TIGD4: variants seen among roughly 807,000 people sequenced by gnomAD.
The protein encoded by TIGD4 is tigger transposable element derived 4.
Under a neutral mutation model 24.9 loss-of-function variants are expected in TIGD4, and 20 were observed. The observed-to-expected ratio is 0.80, with a 90% CI of 0.56 to 1.17. The LOEUF (loss-of-function observed/expected upper bound fraction) is 1.17, where lower values mean the gene tolerates loss of function less well. TIGD4 is among the 50% of genes most tolerant of loss of function. TIGD4 has a pLI of 0.00. For missense variants in TIGD4, 566 were observed against 591.0 expected (o/e 0.96, Z 0.44); for synonymous variants, 193 against 211.0 (o/e 0.91, Z 0.74).
chr4:152,775,086 T>G (rs1225981850), intron 1 of TIGD4, among the ~76,000 whole-genome samples: 1 of 152,124 alleles, frequency 6.6e-6, no homozygotes, highest in African/African-American at 2.4e-5. Context: ...TGGCTAATTT[T>G]TTGTATTTTT....
At chr4:152,778,904 C>A (rs1230553007) in intron 1 of TIGD4, among the ~76,000 whole-genome samples, 2 of 152,136 alleles carry the variant, frequency 1.3e-5, no homozygotes, top group Admixed American at 6.5e-5. Flanking sequence ...AGTTACCCTT[C>A]GCATTTCTAC....
chr4:152,775,425 A>T (rs1730244283), intron 1 of TIGD4, among the ~76,000 whole-genome samples: 1 of 152,178 alleles, frequency 6.6e-6, no homozygotes. Context: ...AGAAATCAAG[A>T]TGTTGGTCAG....
At position 152,770,507 on chromosome 4, in the gene TIGD4, T is replaced by C; in HGVS notation, c.498A>G (p.Val166=). The C allele has an allele frequency of 5.0e-6, 8 of 1,611,952 alleles. No homozygotes were observed. The highest frequency in any genetic ancestry group is 5.9e-6 in the Non-Finnish European group (7 of 1,179,192). The part of the protein sequence containing the change: ...VDPSTVWYQN[V]LPYYLNDYHP... ...GATAATCATTTAAATAATAAGGAAGTACATTTTGGTACCAGACAGTCGAAG... is the reference window on the plus strand; with the variant it reads ...GATAATCATTTAAATAATAAGGAAGCACATTTTGGTACCAGACAGTCGAAG... Residue 166 remains valine, a synonymous_variant, in exon 2 of 2, where the codon GTA becomes GTG. Coordinates refer to ENST00000304337, the MANE Select transcript of TIGD4 (RefSeq NM_145720.4).
rs1730359142 is a variant in TIGD4 at position 152,779,716 on chromosome 4, C to A, written c.-773G>T. The A allele has an allele frequency of 6.6e-6, 1 of 152,320 alleles. No homozygotes were observed. Among genetic ancestry groups the A allele is most frequent in the South Asian group, 2.1e-4 (1 of 4,830 alleles). 9.4% of individuals were successfully genotyped at this position (152,320 alleles called of 1,614,324 possible). A position where few individuals can be genotyped will look rare whatever the true frequency, so the allele number is the denominator to read the frequency against. On this transcript the variant is annotated 5_prime_UTR_variant, in exon 1 of 2. Transcript: ENST00000304337. ...CCCTTCCGCAAGCTCCCAGCTCTAG[C>A]CGGTGCCTCTGGCCCCGCGCGCATT...
Position 152,769,832 on chromosome 4 carries a change from A to C in TIGD4, c.1173T>G (p.Asn391Lys), listed in dbSNP as rs1359528477. The C allele has an allele frequency of 6.2e-7, 1 of 1,613,174 alleles. No homozygotes were observed. Reference protein sequence around the residue: ...KSQKGESDITNAEKDTGLDLV... With the variant: ...KSQKGESDITKAEKDTGLDLV... ...AATCCAGACCAGTATCCTTCTCTGC[A>C]TTTGTTATGTCACTTTCTCCCTTTT... Residue 391 changes from asparagine to lysine, a missense_variant, in exon 2 of 2, where the codon AAT (asparagine) becomes AAG (lysine). Coordinates refer to ENST00000304337, the MANE Select transcript of TIGD4 (RefSeq NM_145720.4).
intron 1 of TIGD4, among the ~76,000 whole-genome samples, chr4:152,772,320 G>A (rs895191713): frequency 1.3e-5 from 2 of 151,724 alleles, no homozygotes; most frequent in African/African-American, 2.4e-5. Flanking sequence ...AAGTCTTAAC[G>A]TCTCAGGTCT....
In TIGD4 at chr4:152,771,149, G is replaced by T. The variant is rs371678764; in HGVS notation, c.-145C>A. 1 of 943,554 alleles carries T rather than the reference G, an allele frequency of 1.1e-6. No individual in the cohort carries two copies. The allele number at this position is 943,554 out of a possible 1,614,324, so 58.4% of individuals were successfully genotyped here. ...AGTTGGTGTCTAATAGTCTTATTTT[G>T]TAGGAACTTGATGACAAAATATGCT... On this transcript the variant is annotated 5_prime_UTR_variant, in exon 2 of 2. Transcript: ENST00000304337.
chr4:152,772,506 A>C (rs1171620763), intron 1 of TIGD4, among the ~76,000 whole-genome samples: 5 of 152,194 alleles, frequency 3.3e-5, no homozygotes, highest in African/African-American at 1.2e-4. Context: ...TGCATTCAAA[A>C]AGATTCAATG....
Position 152,771,133 on chromosome 4 carries a change from C to A in TIGD4, c.-129G>T. On this transcript the variant is annotated 5_prime_UTR_variant, in exon 2 of 2. Coordinates refer to ENST00000304337, the MANE Select transcript of TIGD4 (RefSeq NM_145720.4). The stretch of plus-strand genomic sequence containing the variant: ...TACTTTATACACTAAAAGTTGGTGT[C>A]TAATAGTCTTATTTTGTAGGAACTT... 2 of 1,126,174 alleles carry A rather than the reference C, an allele frequency of 1.8e-6. No individual in the cohort carries two copies. The highest frequency in any genetic ancestry group is 2.4e-6 in the Non-Finnish European group (2 of 840,450). The allele number at this position is 1,126,174 out of a possible 1,614,324, so 69.8% of individuals were successfully genotyped here. A position where few individuals can be genotyped will look rare whatever the true frequency, so the allele number is the denominator to read the frequency against.
intron 1 of TIGD4, among the ~76,000 whole-genome samples, chr4:152,772,986 C>T (rs902581224): frequency 9.2e-5 from 14 of 152,162 alleles, no homozygotes; most frequent in African/African-American, 3.4e-4. Context: ...TCCCAAAGTG[C>T]TAGGATTACA....
rs911938363 is a variant in TIGD4 at position 152,769,578 on chromosome 4, A to T, written c.1427T>A (p.Ile476Lys). 10 of 1,613,518 alleles carry T rather than the reference A, an allele frequency of 6.2e-6. No individual in the cohort carries two copies. The African/African-American group carries it at 1.2e-4, about 19-fold the overall frequency. ...ELPLPSKSEA[I>K]TALDTLKKFL... is the part of the protein sequence containing the mutation. The stretch of plus-strand genomic sequence containing the variant: ...TTTTTTCAGAGTATCTAAAGCAGTT[A>T]TTGCCTCAGATTTTGATGGTAAAGG... The change falls in exon 2 of 2, where the codon ATA (isoleucine) becomes AAA (lysine). Residue 476 changes from isoleucine (I) to lysine (K), a missense_variant. By Grantham distance (102) the Ile-to-Lys change is moderately radical. Transcript: ENST00000304337.
At position 152,769,776 on chromosome 4, in the gene TIGD4, T is replaced by C. The variant is rs1397610419; in HGVS notation, c.1229A>G (p.Glu410Gly). ...LVADALGAGV[E>G]FPEGLSIEEY... The stretch of plus-strand genomic sequence containing the variant: ...TTCTATAGATAAACCTTCAGGAAAT[T>C]CTACTCCTGCCCCCAGAGCATCAGC... Residue 410 changes from glutamate to glycine, a missense_variant, in exon 2 of 2, where the codon GAA becomes GGA. Coordinates refer to ENST00000304337, the MANE Select transcript of TIGD4 (RefSeq NM_145720.4). The C allele has an allele frequency of 1.2e-6, 2 of 1,613,570 alleles. No homozygotes were observed. Among genetic ancestry groups the C allele is most frequent in the South Asian group, 2.2e-5 (2 of 91,072 alleles).
At chr4:152,774,165 A>C (rs1460452718) in intron 1 of TIGD4, among the ~76,000 whole-genome samples, 2 of 152,174 alleles carry the variant, frequency 1.3e-5, no homozygotes, top group Non-Finnish European at 2.9e-5. Context: ...AGAAAAAGTA[A>C]CTTGAATTTC....
rs148377591 is a variant in TIGD4 at position 152,776,304 on chromosome 4, T to C, written c.-539+3178A>G. Among the ~76,000 whole-genome samples, 12 of 152,334 alleles carry C rather than the reference T, an allele frequency of 7.9e-5. 1 individual carries two copies. In the East Asian group the frequency reaches 1.9e-3, roughly 24 times the overall value. ...TGACCAAAATGTTGAATGTTCTCTCTAGGTAAATGAATTATAAATAAGTTC... is the reference window on the plus strand; with the variant it reads ...TGACCAAAATGTTGAATGTTCTCTCCAGGTAAATGAATTATAAATAAGTTC... On this transcript the variant is annotated intron_variant, in intron 1 of 1. Coordinates refer to ENST00000304337, the MANE Select transcript of TIGD4 (RefSeq NM_145720.4).
chr4:152,776,109 T>C (rs1225086776), intron 1 of TIGD4, among the ~76,000 whole-genome samples: 2 of 152,102 alleles, frequency 1.3e-5, no homozygotes, highest in Non-Finnish European at 1.5e-5. Context: ...AAAAGCAAAA[T>C]ATAAAATTAT....
Position 152,769,818 on chromosome 4 carries a change from G to A in TIGD4, c.1187C>T (p.Thr396Ile). The A allele has an allele frequency of 6.2e-7, 1 of 1,613,136 alleles. No individual in the cohort carries two copies. The highest frequency in any genetic ancestry group is 8.5e-7 in the Non-Finnish European group (1 of 1,179,896). ...ESDITNAEKD[T>I]GLDLVADALG... The stretch of plus-strand genomic sequence containing the variant: ...AGCATCAGCAACCAAATCCAGACCA[G>A]TATCCTTCTCTGCATTTGTTATGTC... Residue 396 changes from threonine to isoleucine, a missense_variant, in exon 2 of 2, where the codon ACT becomes ATT. Thr to Ile is a moderately conservative substitution (Grantham distance 89, BLOSUM62 -1). Coordinates refer to ENST00000304337, the MANE Select transcript of TIGD4 (RefSeq NM_145720.4).
intron 1 of TIGD4, among the ~76,000 whole-genome samples, chr4:152,771,751 T>C (rs1730180284): frequency 6.6e-6 from 1 of 152,188 alleles, no homozygotes; most frequent in African/African-American, 2.4e-5. Flanking sequence ...ATTTGAATTC[T>C]CACTTGCCTT....
chr4:152,770,214 A>G lies in TIGD4; in HGVS notation c.791T>C (p.Val264Ala). The G allele has an allele frequency of 1.2e-6, 2 of 1,614,118 alleles. No homozygotes were observed. The highest frequency in any genetic ancestry group is 8.5e-7 in the Non-Finnish European group (1 of 1,179,978). Residue 264 changes from valine (V) to alanine (A), a missense_variant, in exon 2 of 2, where the codon GTA (valine) becomes GCA (alanine). Physicochemically the swap from Val to Ala is moderately conservative, Grantham distance 64 (BLOSUM62 0). Transcript: ENST00000304337. ...ANRMAWMTSDVFEQWMRKLDE... is the reference protein window; with the variant it reads ...ANRMAWMTSDAFEQWMRKLDE... ...AAGCTTTCGCATCCATTGTTCAAAT[A>G]CATCGGAGGTCATCCATGCCATTCT...
At chr4:152,775,428 T>C (rs1043715446) in intron 1 of TIGD4, among the ~76,000 whole-genome samples, 6 of 152,168 alleles carry the variant, frequency 3.9e-5, no homozygotes, top group African/African-American at 1.4e-4. Context: ...AATCAAGATG[T>C]TGGTCAGAAG....
Sources: gnomAD v4.1 joint callset for allele counts (sites outside exome capture counted in the v4.1 genomes callset) on GRCh38, gnomAD v4.1.1 for gene constraint, MANE v1.5 for transcripts, NCBI Gene and HGNC (gene_info 2026-07-23, HGNC 2026-07-21) for gene names.